Variants in CASK observed in about 807,000 individuals in gnomAD.
CASK encodes the protein calcium/calmodulin dependent serine protein kinase.
CASK carries 4 observed loss-of-function variants against 82.9 expected under a neutral mutation model. The ratio of observed to expected loss-of-function variants is 0.05; its 90% CI spans 0.02 to 0.11. CASK has a LOEUF of 0.11. Among genes scored for constraint, CASK ranks in the 10% least tolerant of loss-of-function variants. The pLI is 1.00. For synonymous variants in CASK, 259 were observed against 253.5 expected, an observed-to-expected ratio of 1.02 and a Z score of -0.20; for missense variants, 358 against 720.9, an observed-to-expected ratio of 0.50 and a Z score of 5.76.
intron 12 of CASK, among the ~76,000 whole-genome samples, chrX:41,599,914 T>C (rs1319219726): frequency 8.9e-6 from 1 of 112,354 alleles, no homozygotes; most frequent in Non-Finnish European, 1.9e-5. Flanking sequence ...TAAAATCTTC[T>C]GAAATACGGT....
At position 41,534,752 on chromosome X, in the gene CASK, G is replaced by A; in HGVS notation, c.2271C>T (p.Asn757=). The A allele has an allele frequency of 8.3e-7, 1 of 1,209,488 alleles. No individual in the cohort carries two copies. The highest frequency in any genetic ancestry group is 1.7e-5 in the African/African-American group (1 of 57,704). Residue 757 remains asparagine (N), a synonymous_variant, in exon 24 of 27, where the codon AAC becomes AAT. Coordinates refer to ENST00000378163, the MANE Select transcript of CASK (RefSeq NM_001367721.1). ...AHGVGRRHIK[N]TLITKHPDRF... is the part of the protein sequence containing the mutation. ...GGTCTGGGTGCTTTGTGATGAGAGT[G>A]TTTTTTATGTGTCTTCTCCCAACAC...
intron 21 of CASK, among the ~76,000 whole-genome samples, chrX:41,546,920 A>G (rs2065030699): frequency 9.1e-6 from 1 of 110,496 alleles, no homozygotes; most frequent in Admixed American, 9.6e-5. Context: ...AGCTTATTTT[A>G]TTTTTTTATT....
At chrX:41,703,530 G>T (rs1221087404) in intron 5 of CASK, among the ~76,000 whole-genome samples, 1 of 112,340 alleles carries the variant, frequency 8.9e-6, no homozygotes, top group Non-Finnish European at 1.9e-5. Flanking sequence ...TGTAGGTCTT[G>T]TTCATTCATT....
chrX:41,706,121 A>G (rs886715436), intron 5 of CASK, among the ~76,000 whole-genome samples: 2 of 111,900 alleles, frequency 1.8e-5, no homozygotes, highest in Non-Finnish European at 3.8e-5. Context: ...TACATGAAAA[A>G]TAACTTTCAG....
intron 8 of CASK, among the ~76,000 whole-genome samples, chrX:41,646,603 G>T (rs2066762064): frequency 9.0e-6 from 1 of 111,413 alleles, no homozygotes; most frequent in Admixed American, 9.5e-5. Flanking sequence ...GCCAGTATAG[G>T]AAAAGAAAAC....
intron 8 of CASK, among the ~76,000 whole-genome samples, chrX:41,638,133 A>C (rs1301628374): frequency 1.8e-5 from 2 of 112,340 alleles, no homozygotes; most frequent in Non-Finnish European, 3.7e-5. Flanking sequence ...CAAAGATTCC[A>C]GCCCTCATGT....
chrX:41,883,454 T>A, intron 1 of CASK, among the ~76,000 whole-genome samples: 1 of 110,436 alleles, frequency 9.1e-6, no homozygotes, highest in East Asian at 2.9e-4. Flanking sequence ...CCAGCAAAAA[T>A]CAGATTAAGG....
At chrX:41,643,696 A>C (rs1232423074) in intron 8 of CASK, among the ~76,000 whole-genome samples, 2 of 111,794 alleles carry the variant, frequency 1.8e-5, no homozygotes, top group Non-Finnish European at 3.8e-5. Context: ...GGTTTTCTAA[A>C]TATACAATCA....
At chrX:41,576,118 G>A (rs2065481489) in intron 15 of CASK, among the ~76,000 whole-genome samples, 1 of 109,589 alleles carries the variant, frequency 9.1e-6, no homozygotes. Context: ...AGGATTACAG[G>A]CACCCACCAC....
chrX:41,854,424 A>G (rs1198212975), intron 1 of CASK, among the ~76,000 whole-genome samples: 1 of 112,470 alleles, frequency 8.9e-6, no homozygotes, highest in Non-Finnish European at 1.9e-5. Flanking sequence ...GTGGTCATTA[A>G]ATACATGTGT....
At chrX:41,735,055 T>C (rs776679718) in intron 5 of CASK, among the ~76,000 whole-genome samples, 1 of 111,298 alleles carries the variant, frequency 9.0e-6, no homozygotes, top group South Asian at 3.8e-4. Flanking sequence ...GAAAAAAGTA[T>C]TAATAAATAT....
intron 1 of CASK, among the ~76,000 whole-genome samples, chrX:41,880,546 T>C (rs2071930984): frequency 9.0e-6 from 1 of 111,372 alleles, no homozygotes; most frequent in Admixed American, 9.6e-5. Context: ...TCTCCTTTGA[T>C]CATTAACAAA....
chrX:41,890,240 A>G (rs62589235), intron 1 of CASK, among the ~76,000 whole-genome samples: 18,368 of 103,085 alleles, frequency 0.18, 1,600 homozygotes, highest in Middle Eastern at 0.29. Flanking sequence ...GTGTGTGTGT[A>G]TGTGTGTGTG....
intron 5 of CASK, among the ~76,000 whole-genome samples, chrX:41,687,455 A>G (rs1160246063): frequency 8.9e-6 from 1 of 112,279 alleles, no homozygotes; most frequent in African/African-American, 3.2e-5. Flanking sequence ...ATGTCACAAA[A>G]GGACAAATAC....
chrX:41,825,061 A>C (rs2070630085), intron 2 of CASK, among the ~76,000 whole-genome samples: 1 of 112,133 alleles, frequency 8.9e-6, no homozygotes. Flanking sequence ...TACACTTAAA[A>C]ATAACTGCAA....
chrX:41,907,181 A>C (rs764920431), intron 1 of CASK, among the ~76,000 whole-genome samples: 12 of 112,829 alleles, frequency 1.1e-4, no homozygotes, highest in African/African-American at 3.9e-4. Context: ...GAAATAAATC[A>C]GGAACCAAAC....
intron 2 of CASK, among the ~76,000 whole-genome samples, chrX:41,810,753 G>A (rs1362227827): frequency 9.0e-6 from 1 of 111,727 alleles, no homozygotes; most frequent in African/African-American, 3.3e-5. Context: ...AAATGTAAAT[G>A]GGCTAAACGC....
chrX:41,815,113 G>A (rs1306149435), intron 2 of CASK, among the ~76,000 whole-genome samples: 2 of 110,939 alleles, frequency 1.8e-5, no homozygotes, highest in Non-Finnish European at 3.8e-5. Flanking sequence ...AAGGGACTGA[G>A]GTATAAAAAA....
chrX:41,632,482 C>T (rs560949579), intron 9 of CASK, among the ~76,000 whole-genome samples: 5 of 112,077 alleles, frequency 4.5e-5, no homozygotes, highest in Admixed American at 2.8e-4. Flanking sequence ...TAAACCTGTG[C>T]TGTCTAATAC....
Sources: gnomAD v4.1 joint callset for allele counts (sites outside exome capture counted in the v4.1 genomes callset) on GRCh38, gnomAD v4.1.1 for gene constraint, MANE v1.5 for transcripts, NCBI Gene and HGNC (gene_info 2026-07-23, HGNC 2026-07-21) for gene names.